The following COL11A1 variants were observed in gnomAD, a reference collection of about 807,000 sequenced individuals.
COL11A1 encodes the protein collagen alpha-1(XI) chain.
Under a neutral mutation model 265.2 loss-of-function variants are expected in COL11A1, and 74 were observed. The ratio of observed to expected loss-of-function variants is 0.28; its 90% CI spans 0.23 to 0.34. COL11A1 has a LOEUF of 0.34. Ranked by LOEUF, COL11A1 falls within the 10% of genes least tolerant of loss-of-function variation. The probability of loss-of-function intolerance (pLI) is 1.00; values close to 1 mark genes in which losing one functional copy is unlikely to be tolerated. For synonymous variants in COL11A1, 816 were observed against 727.6 expected, an observed-to-expected ratio of 1.12 and a Z score of -1.96; for missense variants, 2,165 against 2,263.6, an observed-to-expected ratio of 0.96 and a Z score of 0.88.
chr1:102,921,403 C>G (rs1655973177), intron 48 of COL11A1, 115 bp downstream of exon 48: 1 of 823,808 alleles, frequency 1.2e-6, no homozygotes, highest in African/African-American at 1.7e-5. Context: ...GAGTTCTTAA[C>G]CACTTAATAT....
rs758705318 is a variant in COL11A1, at chr1:102,935,107, G to A, written c.3445C>T (p.Pro1149Ser). The change falls in exon 45 of 67, where the codon CCC becomes TCC. Residue 1149 changes from proline to serine, a missense_variant. By Grantham distance (74) the Pro-to-Ser change is moderately conservative (BLOSUM62 -1). Transcript: ENST00000370096. ...GGTCCTTGAAGACCTGGGGGACCGGGAGGGCCCTGCAGTGAGATAAAAATA... is the reference window on the plus strand; with the variant it reads ...GGTCCTTGAAGACCTGGGGGACCGGAAGGGCCCTGCAGTGAGATAAAAATA... Reference protein sequence around the residue: ...SKGDKGENGPPGPPGLQGPVG... With the variant: ...SKGDKGENGPSGPPGLQGPVG... The A allele has an allele frequency of 6.2e-7, 1 of 1,613,986 alleles. No individual in the cohort carries two copies. The highest frequency in any genetic ancestry group is 1.7e-5 in the Admixed American group (1 of 60,008).
intron 3 of COL11A1, among the ~76,000 whole-genome samples, chr1:103,078,306 A>C (rs1037520463): frequency 6.6e-6 from 1 of 152,076 alleles, no homozygotes; most frequent in Non-Finnish European, 1.5e-5. Context: ...CTTTTAATGA[A>C]CAGCATGGCA....
intron 1 of COL11A1, among the ~76,000 whole-genome samples, chr1:103,084,776 G>A (rs1454352886): frequency 6.6e-6 from 1 of 152,068 alleles, no homozygotes. Flanking sequence ...TAATATCCTC[G>A]ATAGGCTCTT....
intron 3 of COL11A1, 136 bp from the exon 4 acceptor site, chr1:103,074,916 A>T (rs945656166): frequency 2.0e-6 from 2 of 1,021,886 alleles, no homozygotes; most frequent in African/African-American, 3.2e-5. Flanking sequence ...CTCATTTATT[A>T]AGCAGCCAGT....
intron 32 of COL11A1, 135 bp from the exon 33 acceptor site, chr1:102,979,239 T>C (rs1265893611): frequency 7.3e-6 from 9 of 1,240,836 alleles, no homozygotes; most frequent in African/African-American, 1.5e-5. Context: ...AGACTTGCTA[T>C]GCTGCCCAGG....
intron 41 of COL11A1, among the ~76,000 whole-genome samples, chr1:102,958,602 G>A (rs192240171): frequency 1.0e-3 from 153 of 152,198 alleles, no homozygotes; most frequent in Non-Finnish European, 1.9e-3. Context: ...AAACAATAGT[G>A]TTAGGAACTA....
chr1:102,886,811 T>C lies in COL11A1; in HGVS notation c.4854A>G (p.Pro1618=). The C allele has an allele frequency of 6.2e-7, 1 of 1,613,896 alleles. No individual in the cohort carries two copies. Among genetic ancestry groups the C allele is most frequent in the Non-Finnish European group, 8.5e-7 (1 of 1,179,802 alleles). The stretch of plus-strand genomic sequence containing the variant: ...TGTCATGTATTATTTACATACCATC[T>C]GGGAAGTCAGGATGGCTGAGTTGCA... The part of the protein sequence containing the change: ...KDLQLSHPDF[P]DGEYWIDPNQ... Residue 1618 remains proline (P), a synonymous_variant, in exon 63 of 67, where the codon CCA becomes CCG. Coordinates refer to ENST00000370096, the MANE Select transcript of COL11A1 (RefSeq NM_001854.4).
In COL11A1 at chr1:103,003,344, A is replaced by G. The variant is rs747545671; in HGVS notation, c.1945-76T>C. ...ATAACATGCCTCTTTCAATGAAGAAATCCTAAGGTTATTTTTAGAATAAAA... is the reference window on the plus strand; with the variant it reads ...ATAACATGCCTCTTTCAATGAAGAAGTCCTAAGGTTATTTTTAGAATAAAA... On this transcript the variant is annotated intron_variant, in intron 20 of 66. Coordinates refer to ENST00000370096, the MANE Select transcript of COL11A1 (RefSeq NM_001854.4). The G allele has an allele frequency of 1.7e-5, 23 of 1,386,134 alleles. No homozygotes were observed. In the South Asian group the frequency reaches 2.3e-4, roughly 14 times the overall value. The allele number at this position is 1,386,134 out of a possible 1,614,324, so 85.9% of individuals were successfully genotyped here. A position where few individuals can be genotyped will look rare whatever the true frequency, so the allele number is the denominator to read the frequency against.
chr1:102,985,725 G>A (rs995433190), intron 30 of COL11A1, among the ~76,000 whole-genome samples: 2 of 152,130 alleles, frequency 1.3e-5, no homozygotes, highest in African/African-American at 4.8e-5. Context: ...TTAAGCTCCT[G>A]ATTTATCACA....
chr1:103,013,699 T>C (rs1343554325), intron 13 of COL11A1, among the ~76,000 whole-genome samples: 1 of 151,908 alleles, frequency 6.6e-6, no homozygotes, highest in Non-Finnish European at 1.5e-5. Context: ...CATAAATTCA[T>C]CATGATGCAT....
In COL11A1 at chr1:103,072,399, T is replaced by C. The variant is rs143067921; in HGVS notation, c.651+2219A>G. On this transcript the variant is annotated intron_variant, in intron 4 of 66. Coordinates refer to ENST00000370096, the MANE Select transcript of COL11A1 (RefSeq NM_001854.4). ...CCTGAAAAAGTGACATTTCTAGTTT[T>C]CAGACTAATGAATCACTGGTATTAT... is the stretch of plus-strand genomic sequence containing the variant. Among the ~76,000 whole-genome samples, 35 of 152,008 alleles carry C rather than the reference T, an allele frequency of 2.3e-4. No homozygotes were observed. In the East Asian group the frequency reaches 6.2e-3, roughly 27 times the overall value.
In COL11A1 at chr1:102,879,882, T is replaced by G; in HGVS notation, c.5075A>C (p.Asn1692Thr). Residue 1692 changes from asparagine (N) to threonine (T), a missense_variant, in exon 66 of 67, where the codon AAT becomes ACT. Coordinates refer to ENST00000370096, the MANE Select transcript of COL11A1 (RefSeq NM_001854.4). ...SYLDVEGNSI[N>T]MVQMTFLKLL... ...TTTCAGGAATGTCATTTGCACCATA[T>G]TGATGGAATTTCCTTCAACATCTAA... 6.2e-7 allele frequency: 1 copy of G among 1,613,724 alleles called. No homozygotes were observed. The highest frequency in any genetic ancestry group is 8.5e-7 in the Non-Finnish European group (1 of 1,179,736).
chr1:103,054,837 G>A (rs559108858), intron 4 of COL11A1, among the ~76,000 whole-genome samples: 1 of 152,110 alleles, frequency 6.6e-6, no homozygotes, highest in African/African-American at 2.4e-5. Flanking sequence ...GGAGGCAGAG[G>A]TTGCAGTGAG....
chr1:102,963,203 A>G (rs78723570), intron 38 of COL11A1, among the ~76,000 whole-genome samples: 48 of 152,284 alleles, frequency 3.2e-4, no homozygotes, highest in Middle Eastern at 3.4e-3. Context: ...ACTTAGGGCC[A>G]TGAGAACCCA....
intron 57 of COL11A1, among the ~76,000 whole-genome samples, chr1:102,893,963 A>G (rs1372386701): frequency 6.6e-6 from 1 of 152,188 alleles, no homozygotes; most frequent in Non-Finnish European, 1.5e-5. Context: ...ATGCTATCAG[A>G]TATTTTATTT....
intron 4 of COL11A1, among the ~76,000 whole-genome samples, chr1:103,066,759 T>C (rs1671186010): frequency 6.6e-6 from 1 of 151,700 alleles, no homozygotes; most frequent in African/African-American, 2.4e-5. Flanking sequence ...ATAGAGGGGA[T>C]AAAAAAAGGC....
intron 66 of COL11A1, among the ~76,000 whole-genome samples, chr1:102,878,982 A>G (rs942422462): frequency 2.0e-5 from 3 of 152,170 alleles, no homozygotes; most frequent in Non-Finnish European, 4.4e-5. Context: ...ACTATATTGG[A>G]AAAGCTTTTC....
At chr1:102,959,956 A>C (rs900632895) in intron 41 of COL11A1, among the ~76,000 whole-genome samples, 2 of 152,178 alleles carry the variant, frequency 1.3e-5, no homozygotes, top group African/African-American at 2.4e-5. Context: ...AGATATCTTT[A>C]GAATCTGAAG....
At chr1:103,078,215 C>T (rs1472476010) in intron 3 of COL11A1, among the ~76,000 whole-genome samples, 1 of 152,098 alleles carries the variant, frequency 6.6e-6, no homozygotes. Flanking sequence ...ATGCTGGTAT[C>T]CTTGATGTTG....
Sources: allele counts gnomAD v4.1 joint callset (sites outside exome capture counted in the v4.1 genomes callset), GRCh38; gene constraint gnomAD v4.1.1; transcripts MANE v1.5; gene names NCBI Gene and HGNC (gene_info 2026-07-23, HGNC 2026-07-21).